Variants in SEC31B observed in about 807,000 individuals in gnomAD.
SEC31B encodes SEC31 homolog B, COPII component.
A neutral mutation model predicts 135.0 loss-of-function variants in SEC31B; 113 were observed. The ratio of observed to expected loss-of-function variants is 0.84; its 90% CI spans 0.72 to 0.98. SEC31B has a LOEUF of 0.98. SEC31B is among the 50% of genes least tolerant of loss of function. The pLI is 0.00. For missense variants in SEC31B, 1,296 were observed against 1,421.1 expected (o/e 0.91, Z 1.42); for synonymous variants, 508 against 549.4 (o/e 0.92, Z 1.05).
chr10:100,506,474 GGGT>G, intron 7 of SEC31B, 54 bp from the exon 8 acceptor site: 10 of 1,528,422 alleles, frequency 6.5e-6, no homozygotes, highest in East Asian at 2.3e-5. Flanking sequence ...ACTATGAGTA[GGGT>G]GCCTTATATG....
intron 12 of SEC31B, 123 bp from the exon 13 acceptor site, chr10:100,499,381 G>A: frequency 9.0e-7 from 1 of 1,106,498 alleles, no homozygotes; most frequent in Non-Finnish European, 1.3e-6. Flanking sequence ...ATTTTTTTCT[G>A]AGAAAAAAAC....
intron 6 of SEC31B, 73 bp from the exon 7 acceptor site, chr10:100,507,640 G>C: frequency 6.3e-7 from 1 of 1,587,438 alleles, no homozygotes; most frequent in Non-Finnish European, 8.6e-7. Context: ...ACCACTCTGA[G>C]AGCAAGTTTT....
rs1851446106 is a variant in SEC31B, at chr10:100,498,032, G to A, written c.1860C>T (p.Ser620=). ...CTCCTGCATGATGGGCAGTTACCGA[G>A]GAGATTTTGGTTTTCTTCTTGGCCA... ...RYLAKKKTKI[S]SLLACVVQKN... is the part of the protein sequence containing the mutation. The change falls in exon 15 of 26, where the codon TCC becomes TCT. Residue 620 remains serine (S), a synonymous_variant. Transcript: ENST00000370345. 6 of 1,614,138 alleles carry A rather than the reference G, an allele frequency of 3.7e-6. No individual in the cohort carries two copies. The highest frequency in any genetic ancestry group is 1.7e-5 in the Admixed American group (1 of 59,992).
intron 11 of SEC31B, among the ~76,000 whole-genome samples, chr10:100,501,218 C>CTCT (rs1160507114): frequency 6.6e-6 from 1 of 152,086 alleles, no homozygotes; most frequent in Non-Finnish European, 1.5e-5. Context: ...GTACTCCAGC[C>CTCT]TGAGCGACAA....
rs1564655320 is a variant in SEC31B, at chr10:100,516,887, C to CA, written c.65dup (p.Leu22PhefsTer26). The CA allele has an allele frequency of 6.2e-7, 1 of 1,613,866 alleles. No homozygotes were observed. Among genetic ancestry groups the CA allele is most frequent in the South Asian group, 1.1e-5 (1 of 91,076 alleles). ...GTGTCACCATACCTGTGGCCAGATA[C>CA]AAAGGGTATTGGCTGGCTGGGCTCC... On this transcript the variant is annotated frameshift_variant, in exon 2 of 26. Transcript: ENST00000370345. LOFTEE classifies it high-confidence loss of function.
At chr10:100,511,131 A>T (rs939771803) in intron 3 of SEC31B, among the ~76,000 whole-genome samples, 1 of 152,256 alleles carries the variant, frequency 6.6e-6, no homozygotes, top group African/African-American at 2.4e-5. Context: ...AAAAGAGGGC[A>T]GTTACTTCAG....
At chr10:100,499,498 T>G in intron 12 of SEC31B, 26 bp downstream of exon 12, 1 of 1,556,244 alleles carries the variant, frequency 6.4e-7, no homozygotes, top group Non-Finnish European at 8.8e-7. Flanking sequence ...AACAAGTACA[T>G]GTTTCTGATG....
chr10:100,503,433 A>AC (rs1380244161), intron 10 of SEC31B, among the ~76,000 whole-genome samples: 2 of 143,004 alleles, frequency 1.4e-5, no homozygotes, highest in Non-Finnish European at 3.1e-5. Flanking sequence ...AAGGCTGACA[A>AC]CTTTTTTTTT....
rs774128718 is a variant in SEC31B, at chr10:100,499,569, T to C, written c.1440A>G (p.Lys480=). 8 of 1,612,258 alleles carry C rather than the reference T, an allele frequency of 5.0e-6. No homozygotes were observed. The highest frequency in any genetic ancestry group is 6.8e-6 in the Non-Finnish European group (8 of 1,179,348). ...TACTGTATCCTAAAAGCTTTAGGAA[T>C]TTCATTCTGGAGTCTTGCTCTAAGG... The part of the protein sequence containing the change: ...KVTLEQDSRM[K]FLKLLGYSKD... Residue 480 remains lysine, a synonymous_variant, in exon 12 of 26, where the codon AAA becomes AAG. Transcript: ENST00000370345.
chr10:100,502,246 C>A lies in SEC31B; in HGVS notation c.1410+8G>T, dbSNP rs760642081. 1.9e-5 allele frequency: 31 copies of A among 1,610,646 alleles called. No homozygotes were observed. The Admixed American group carries it at 3.2e-4, about 16-fold the overall frequency. On this transcript the variant is annotated splice_region_variant and intron_variant, in intron 11 of 25. Coordinates refer to ENST00000370345, the MANE Select transcript of SEC31B (RefSeq NM_015490.4). ...CACTTCTGAGCAGCTAGCCTTCAGG[C>A]TTCCCACCTTCAGGAACTGCCACAG...
chr10:100,519,627 C>T lies in SEC31B; in HGVS notation c.-46+155G>A, dbSNP rs772870031. On this transcript the variant is annotated intron_variant, in intron 1 of 25. Transcript: ENST00000370345. ...AATTCAAGGGTAGACGTAGTGGAGG[C>T]CCCCGAGGCCCGGACCCGCGGGCAG... Among the ~76,000 whole-genome samples the T allele has an allele frequency of 2.2e-4, 34 of 152,230 alleles. 1 individual carries two copies. Among genetic ancestry groups the T allele is most frequent in the Non-Finnish European group, 4.6e-4 (31 of 68,026 alleles).
At chr10:100,516,577 A>T (rs1462132767) in intron 2 of SEC31B, among the ~76,000 whole-genome samples, 1 of 140,196 alleles carries the variant, frequency 7.1e-6, no homozygotes. Context: ...TGAACCCAGG[A>T]GGCGGAGCTT....
chr10:100,508,370 G>A, intron 5 of SEC31B: 1 of 519,960 alleles, frequency 1.9e-6, no homozygotes, highest in Non-Finnish European at 3.7e-6. Context: ...AGGAAGATGA[G>A]GGAGGGAGGA....
chr10:100,501,261 A>C (rs554868770), intron 11 of SEC31B, among the ~76,000 whole-genome samples: 1 of 152,018 alleles, frequency 6.6e-6, no homozygotes, highest in South Asian at 2.1e-4. Context: ...AACAAAAACA[A>C]AAAAACCCAG....
At chr10:100,497,074 C>T in intron 17 of SEC31B, 61 bp downstream of exon 17, 4 of 1,587,380 alleles carry the variant, frequency 2.5e-6, no homozygotes, top group Non-Finnish European at 3.4e-6. Context: ...CTGCACATCT[C>T]CACCACTAGC....
chr10:100,497,672 A>G lies in SEC31B; in HGVS notation c.1985T>C (p.Leu662Pro). The G allele has an allele frequency of 6.2e-7, 1 of 1,614,140 alleles. No individual in the cohort carries two copies. Among genetic ancestry groups the G allele is most frequent in the Non-Finnish European group, 8.5e-7 (1 of 1,180,036 alleles). Reference protein sequence around the residue: ...TYSGTEKFPELCDMLGTRMEQ... With the variant: ...TYSGTEKFPEPCDMLGTRMEQ... ...AAGCCTGGGACCACACTTACCACAG[A>G]GCTCGGGAAATTTCTCTGTGCCTGA... Residue 662 changes from leucine (L) to proline (P), a missense_variant, in exon 16 of 26, where the codon CTC (leucine) becomes CCC (proline). Leu to Pro is a moderately conservative substitution (Grantham distance 98). Coordinates refer to ENST00000370345, the MANE Select transcript of SEC31B (RefSeq NM_015490.4).
intron 5 of SEC31B, chr10:100,508,593 G>A (rs1340031415): frequency 2.2e-6 from 1 of 445,958 alleles, no homozygotes; most frequent in African/African-American, 2.0e-5. Context: ...CCACATACAG[G>A]GAGAACAAAG....
At chr10:100,517,285 T>C (rs1851868309) in intron 1 of SEC31B, among the ~76,000 whole-genome samples, 1 of 152,232 alleles carries the variant, frequency 6.6e-6, no homozygotes, top group African/African-American at 2.4e-5. Context: ...TGGCTTTAAA[T>C]AGCACCCATA....
At position 100,490,312 on chromosome 10, in the gene SEC31B, C is replaced by T. The variant is rs778826648; in HGVS notation, c.2661G>A (p.Gln887=). 1.1e-5 allele frequency: 18 copies of T among 1,612,662 alleles called. 1 individual carries two copies. The highest frequency in any genetic ancestry group is 3.3e-4 in the Middle Eastern group (2 of 6,072). The change falls in exon 21 of 26, where the codon CAG becomes CAA. Residue 887 remains glutamine, a synonymous_variant. Coordinates refer to ENST00000370345, the MANE Select transcript of SEC31B (RefSeq NM_015490.4). ...CCCTTTGCCCTCCTAATAGCTGTGG[C>T]TGAGATGAAGCTGAAGCAGAACAGA... ...LSPGVRPASS[Q]PQLLGGQRVQ...
Sources: allele counts gnomAD v4.1 joint callset (sites outside exome capture counted in the v4.1 genomes callset), GRCh38; gene constraint gnomAD v4.1.1; transcripts MANE v1.5; gene names NCBI Gene and HGNC (gene_info 2026-07-23, HGNC 2026-07-21).